HS6ST3: variants seen among roughly 807,000 people sequenced by gnomAD.
HS6ST3 encodes heparan sulfate 6-O-sulfotransferase 3, also known as heparan-sulfate 6-O-sulfotransferase 3.
A neutral mutation model predicts 36.7 loss-of-function variants in HS6ST3; 12 were observed. That is an observed-to-expected ratio of 0.33 (90% CI 0.21 to 0.53). HS6ST3 has a LOEUF of 0.53. Among genes scored for constraint, HS6ST3 ranks in the 20% least tolerant of loss-of-function variants. The pLI, the probability that HS6ST3 is intolerant of heterozygous loss-of-function variation, is 0.95. For missense variants in HS6ST3, 584 were observed against 640.9 expected (o/e 0.91, Z 0.96); for synonymous variants, 240 against 257.5 (o/e 0.93, Z 0.65).
chr13:96,805,581 C>G (rs1878179788), intron 1 of HS6ST3, among the ~76,000 whole-genome samples: 1 of 152,210 alleles, frequency 6.6e-6, no homozygotes, highest in African/African-American at 2.4e-5. Flanking sequence ...GTGCCAAGCA[C>G]TGTGCTAAGT....
intron 1 of HS6ST3, among the ~76,000 whole-genome samples, chr13:96,214,806 A>G (rs1033746198): frequency 1.3e-5 from 2 of 152,234 alleles, no homozygotes; most frequent in African/African-American, 2.4e-5. Context: ...TATTATTTAT[A>G]TAAGTAAATG....
chr13:96,373,856 A>G (rs1925098), intron 1 of HS6ST3, among the ~76,000 whole-genome samples: 66,633 of 152,032 alleles, frequency 0.44, 15,520 homozygotes, highest in Non-Finnish European at 0.54. Flanking sequence ...AAGCACTACT[A>G]TGTCTGACTA....
intron 1 of HS6ST3, among the ~76,000 whole-genome samples, chr13:96,828,466 TGA>T (rs1188769530): frequency 6.6e-6 from 1 of 152,168 alleles, no homozygotes; most frequent in Non-Finnish European, 1.5e-5. Context: ...CATACTAGGT[TGA>T]GTTTTTCCTA....
At chr13:96,794,539 A>G (rs1877865197) in intron 1 of HS6ST3, among the ~76,000 whole-genome samples, 1 of 152,072 alleles carries the variant, frequency 6.6e-6, no homozygotes, top group Non-Finnish European at 1.5e-5. Flanking sequence ...ACAAAAGTAA[A>G]TCTTCTATTT....
chr13:96,576,191 A>G (rs1315676909), intron 1 of HS6ST3, among the ~76,000 whole-genome samples: 1 of 152,122 alleles, frequency 6.6e-6, no homozygotes, highest in Non-Finnish European at 1.5e-5. Flanking sequence ...TTTGCTTGGC[A>G]CTGTCCTGTG....
chr13:96,550,191 G>A (rs978202369), intron 1 of HS6ST3, among the ~76,000 whole-genome samples: 3 of 152,274 alleles, frequency 2.0e-5, no homozygotes, highest in African/African-American at 7.2e-5. Context: ...TGTTTGGGTT[G>A]TGGAGGTGGA....
intron 1 of HS6ST3, among the ~76,000 whole-genome samples, chr13:96,554,499 GT>G (rs1292848438): frequency 1.3e-5 from 2 of 152,140 alleles, no homozygotes; most frequent in Admixed American, 6.5e-5. Flanking sequence ...CAAAACCAAT[GT>G]TCACTGTATA....
intron 1 of HS6ST3, among the ~76,000 whole-genome samples, chr13:96,218,297 C>T (rs192000071): frequency 0.017 from 2,578 of 152,230 alleles, 33 homozygotes; most frequent in East Asian, 0.055. Flanking sequence ...ACTCTCCTCT[C>T]TCCCTCTAGT....
chr13:96,238,495 T>G (rs2054545153), intron 1 of HS6ST3, among the ~76,000 whole-genome samples: 1 of 152,264 alleles, frequency 6.6e-6, no homozygotes, highest in Non-Finnish European at 1.5e-5. Context: ...GTCTGTCTTT[T>G]GCAAATGCGA....
intron 1 of HS6ST3, among the ~76,000 whole-genome samples, chr13:96,639,917 GT>G (rs2056564278): frequency 1.3e-5 from 2 of 151,968 alleles, no homozygotes; most frequent in Admixed American, 1.3e-4. Flanking sequence ...TGTAGTTTTA[GT>G]ATTCCATGAC....
intron 1 of HS6ST3, among the ~76,000 whole-genome samples, chr13:96,400,869 T>G (rs2055447797): frequency 6.6e-6 from 1 of 151,652 alleles, no homozygotes; most frequent in East Asian, 2.0e-4. Context: ...TTTCCTCCCC[T>G]GAAGAGTATT....
At chr13:96,819,472 A>G (rs1248094154) in intron 1 of HS6ST3, among the ~76,000 whole-genome samples, 1 of 152,198 alleles carries the variant, frequency 6.6e-6, no homozygotes, top group Non-Finnish European at 1.5e-5. Flanking sequence ...ATGAGCTAAT[A>G]TCAGTGAAAC....
chr13:96,239,583 G>C (rs2054550692), intron 1 of HS6ST3, among the ~76,000 whole-genome samples: 1 of 152,144 alleles, frequency 6.6e-6, no homozygotes, highest in Non-Finnish European at 1.5e-5. Context: ...TTACACATTT[G>C]TTTTTGCTAA....
chr13:96,133,998 A>G (rs1477520788), intron 1 of HS6ST3, among the ~76,000 whole-genome samples: 4 of 152,138 alleles, frequency 2.6e-5, no homozygotes, highest in African/African-American at 7.2e-5. Context: ...TCTTCTGCAT[A>G]CAGATATCCT....
chr13:96,804,870 A>T (rs1388759204), intron 1 of HS6ST3, among the ~76,000 whole-genome samples: 1 of 152,216 alleles, frequency 6.6e-6, no homozygotes, highest in Non-Finnish European at 1.5e-5. Flanking sequence ...TACTTTCAGT[A>T]CAAGTCATTT....
At chr13:96,372,044 C>T (rs1925099) in intron 1 of HS6ST3, among the ~76,000 whole-genome samples, 61,416 of 151,890 alleles carry the variant, frequency 0.4, 12,973 homozygotes, top group African/African-American at 0.52. Context: ...TTTTTAATTT[C>T]TTGAAGAACC....
intron 1 of HS6ST3, among the ~76,000 whole-genome samples, chr13:96,150,343 G>A (rs967603365): frequency 3.3e-5 from 5 of 152,074 alleles, no homozygotes; most frequent in Admixed American, 6.6e-5. Context: ...AATCATTAGA[G>A]TGGGTAAGCC....
intron 1 of HS6ST3, among the ~76,000 whole-genome samples, chr13:96,487,389 T>C (rs2055920650): frequency 6.6e-6 from 1 of 152,156 alleles, no homozygotes; most frequent in Non-Finnish European, 1.5e-5. Context: ...TCTGTGTACC[T>C]TATTTCCTTA....
Position 96,138,276 on chromosome 13 carries a change from A to G in HS6ST3, c.707+46707A>G, listed in dbSNP as rs944571849. ...TGAATTATATTTGTTATCACTTTAT[A>G]CTAGCTAAAGATTGAAACTAACCTA... On this transcript the variant is annotated intron_variant, in intron 1 of 1. Coordinates refer to ENST00000376705, the MANE Select transcript of HS6ST3 (RefSeq NM_153456.4). Among the ~76,000 whole-genome samples, 6 of 152,170 alleles carry G rather than the reference A, an allele frequency of 3.9e-5. No individual in the cohort carries two copies. In the South Asian group the frequency reaches 1.0e-3, roughly 26 times the overall value.
Sources: gnomAD v4.1 joint callset for allele counts (sites outside exome capture counted in the v4.1 genomes callset) on GRCh38, gnomAD v4.1.1 for gene constraint, MANE v1.5 for transcripts, NCBI Gene and HGNC (gene_info 2026-07-23, HGNC 2026-07-21) for gene names.